ATP13A3: variants seen among roughly 807,000 people sequenced by gnomAD.
ATP13A3 encodes the protein ATPase 13A3.
In ATP13A3, 59 loss-of-function variants were observed where a neutral mutation model predicts 158.1. The observed-to-expected ratio is 0.37, with a 90% CI of 0.30 to 0.46. The LOEUF (loss-of-function observed/expected upper bound fraction) is 0.46, where lower values mean the gene tolerates loss of function less well. ATP13A3 is among the 20% of genes least tolerant of loss of function. ATP13A3 has a pLI of 1.00. For missense variants in ATP13A3, 1,166 were observed against 1,525.2 expected, an observed-to-expected ratio of 0.76 and a Z score of 3.92; for synonymous variants, 491 against 504.3, an observed-to-expected ratio of 0.97 and a Z score of 0.35.
chr3:194,459,350 C>T (rs545153475), intron 6 of ATP13A3, 121 bp downstream of exon 6: 38 of 722,788 alleles, frequency 5.3e-5, no homozygotes, highest in South Asian at 4.9e-4. Context: ...TTAATTAATA[C>T]GTGAATAGAA....
intron 2 of ATP13A3, among the ~76,000 whole-genome samples, chr3:194,474,581 G>C (rs555279424): frequency 6.6e-6 from 1 of 152,288 alleles, no homozygotes; most frequent in African/African-American, 2.4e-5. Context: ...ATACTTTTTA[G>C]TTCAGAGTTA....
intron 11 of ATP13A3, among the ~76,000 whole-genome samples, chr3:194,449,841 T>C (rs2108907851): frequency 6.6e-6 from 1 of 152,282 alleles, no homozygotes; most frequent in South Asian, 2.1e-4. Context: ...AACCAAATAC[T>C]GTATGCCACA....
chr3:194,446,783 T>A (rs977601811), intron 14 of ATP13A3, 144 bp downstream of exon 14: 1 of 749,064 alleles, frequency 1.3e-6, no homozygotes, highest in Non-Finnish European at 2.1e-6. Context: ...ATGATGCATA[T>A]ACCAAATAAG....
intron 16 of ATP13A3, among the ~76,000 whole-genome samples, chr3:194,440,143 G>C (rs1717942702): frequency 6.6e-6 from 1 of 152,004 alleles, no homozygotes. Context: ...CTGAAGGAAG[G>C]GATTTCAAAT....
Position 194,403,215 on chromosome 3 carries a change from AAAAT to A in ATP13A3, c.*2700_*2703del, listed in dbSNP as rs1714728579. On this transcript the variant is annotated 3_prime_UTR_variant, in exon 34 of 34. Coordinates refer to ENST00000645319, the MANE Select transcript of ATP13A3 (RefSeq NM_001367549.1). Reference sequence around the variant, plus strand: ...CAGGACTTTCATAAACATGGGGAACAAAATAAATAGAGTAAAAACTGCAACAGTT... The same window carrying A: ...CAGGACTTTCATAAACATGGGGAACAAAATAGAGTAAAAACTGCAACAGTT... 1 of 152,248 alleles carries A rather than the reference AAAAT, an allele frequency of 6.6e-6. No homozygotes were observed. Among genetic ancestry groups the A allele is most frequent in the South Asian group, 2.1e-4 (1 of 4,830 alleles). The allele number at this position is 152,248 out of a possible 1,614,324, so 9.4% of individuals were successfully genotyped here.
intron 28 of ATP13A3, 139 bp from the exon 29 acceptor site, chr3:194,427,391 A>G (rs1716865463): frequency 2.8e-6 from 2 of 719,942 alleles, no homozygotes; most frequent in Non-Finnish European, 4.4e-6. Flanking sequence ...TTCAAAAACC[A>G]AGCCACATAT....
At chr3:194,408,513 T>C (rs1258426815) in intron 33 of ATP13A3, among the ~76,000 whole-genome samples, 1 of 152,228 alleles carries the variant, frequency 6.6e-6, no homozygotes, top group East Asian at 1.9e-4. Context: ...CAATTCACTG[T>C]TCCCTACTTG....
At chr3:194,415,845 G>A (rs1224245100) in intron 31 of ATP13A3, among the ~76,000 whole-genome samples, 2 of 151,238 alleles carry the variant, frequency 1.3e-5, no homozygotes, top group Admixed American at 1.3e-4. Flanking sequence ...AGCAAAACAG[G>A]ACTAAACAAA....
chr3:194,426,654 C>T (rs1577041717), intron 29 of ATP13A3, among the ~76,000 whole-genome samples: 1 of 152,154 alleles, frequency 6.6e-6, no homozygotes, highest in East Asian at 1.9e-4. Flanking sequence ...CCGTGATATA[C>T]AGGCAAATAC....
intron 2 of ATP13A3, among the ~76,000 whole-genome samples, chr3:194,470,051 TAAA>T (rs1317993880): frequency 1.3e-5 from 2 of 152,170 alleles, no homozygotes; most frequent in Non-Finnish European, 2.9e-5. Context: ...AGTCAGCTCC[TAAA>T]AATAAGAATG....
rs1577045063 is a variant in ATP13A3, at chr3:194,428,855, C to T, written c.2937G>A (p.Val979=). ...AAGCAAAATACTCACTTGTAAATAC[C>T]ACTACCAAAATGATTGCCAGATCAA... ...LFIDLAIILV[V]VFTMSLNPAW... The change falls in exon 28 of 34, where the codon GTG becomes GTA. Residue 979 remains valine, a synonymous_variant. Coordinates refer to ENST00000645319, the MANE Select transcript of ATP13A3 (RefSeq NM_001367549.1). 20 of 1,590,900 alleles carry T rather than the reference C, an allele frequency of 1.3e-5. No homozygotes were observed. The highest frequency in any genetic ancestry group is 6.7e-5 in the African/African-American group (5 of 74,294).
intron 10 of ATP13A3, among the ~76,000 whole-genome samples, chr3:194,453,412 G>A (rs965028584): frequency 2.7e-5 from 4 of 148,348 alleles, no homozygotes; most frequent in Admixed American, 6.8e-5. Flanking sequence ...GGGCAACATG[G>A]CAAAACCCTG....
rs551432086 is a variant in ATP13A3, at chr3:194,493,133, C to A, written n.746+917G>T. On this transcript the variant is annotated intron_variant and non_coding_transcript_variant, in intron 2 of 32. Transcript: ENST00000687055. The stretch of plus-strand genomic sequence containing the variant: ...TGGGCAACATAGTGAGATCTCAGCT[C>A]TTAAAAAAAAAAAAAAAAATCCCCC... Among the ~76,000 whole-genome samples, 5 of 137,026 alleles carry A rather than the reference C, an allele frequency of 3.6e-5. No individual in the cohort carries two copies. In the East Asian group the frequency reaches 1.1e-3, roughly 29 times the overall value. The allele number at this position is 137,026 out of a possible 152,430, so 89.9% of individuals were successfully genotyped here. A position where few individuals can be genotyped will look rare whatever the true frequency, so the allele number is the denominator to read the frequency against.
chr3:194,426,779 A>G (rs1716807169), intron 29 of ATP13A3, among the ~76,000 whole-genome samples: 1 of 152,094 alleles, frequency 6.6e-6, no homozygotes, highest in Non-Finnish European at 1.5e-5. Context: ...TCCTGCCTCA[A>G]GCCTCCCAAG....
chr3:194,478,645 G>A (rs1246713883), intron 2 of ATP13A3, among the ~76,000 whole-genome samples: 1 of 152,060 alleles, frequency 6.6e-6, no homozygotes, highest in Non-Finnish European at 1.5e-5. Flanking sequence ...TATAAGGAAG[G>A]GTCTTGTTAG....
Position 194,412,102 on chromosome 3 carries a change from A to T in ATP13A3, c.3573+97T>A, listed in dbSNP as rs183462350. On this transcript the variant is annotated intron_variant, in intron 33 of 33. Transcript: ENST00000645319. ...TAGAACAAGAACACGCTAGAGAATA[A>T]CACATAACAGAACAAGAACACGCTA... 1.9e-5 allele frequency: 19 copies of T among 980,282 alleles called. No individual in the cohort carries two copies. In the Admixed American group the frequency reaches 2.8e-4, roughly 15 times the overall value. 60.7% of individuals were successfully genotyped at this position (980,282 alleles called of 1,614,324 possible). A position where few individuals can be genotyped will look rare whatever the true frequency, so the allele number is the denominator to read the frequency against.
In ATP13A3 at chr3:194,438,096, G is replaced by A. The variant is rs1169314080; in HGVS notation, c.1828-523C>T. Among the ~76,000 whole-genome samples, 3 of 152,200 alleles carry A rather than the reference G, an allele frequency of 2.0e-5. No individual in the cohort carries two copies. The East Asian group carries it at 5.8e-4, about 29-fold the overall frequency. On this transcript the variant is annotated intron_variant, in intron 17 of 33. Transcript: ENST00000645319. ...AATCACTTGAACGCAGGAGGCAGAG[G>A]TTGCAGTGAGCTGAGATCTCACTAC...
At chr3:194,472,307 A>G (rs1243250634) in intron 2 of ATP13A3, among the ~76,000 whole-genome samples, 2 of 152,216 alleles carry the variant, frequency 1.3e-5, no homozygotes, top group Non-Finnish European at 2.9e-5. Flanking sequence ...TTTTCCTTAA[A>G]TAACAATTAA....
chr3:194,456,491 C>A (rs926565968), intron 7 of ATP13A3, among the ~76,000 whole-genome samples: 1 of 151,916 alleles, frequency 6.6e-6, no homozygotes, highest in African/African-American at 2.4e-5. Flanking sequence ...AAATGTAAGT[C>A]TAAATGAGTG....
Sources: gnomAD v4.1 joint callset for allele counts (sites outside exome capture counted in the v4.1 genomes callset) on GRCh38, gnomAD v4.1.1 for gene constraint, MANE v1.5 for transcripts, NCBI Gene and HGNC (gene_info 2026-07-23, HGNC 2026-07-21) for gene names.